Variants in DPYD observed in about 807,000 individuals in gnomAD.
DPYD encodes dihydropyrimidine dehydrogenase.
DPYD carries 109 observed loss-of-function variants against 116.2 expected under a neutral mutation model. The observed-to-expected ratio is 0.94, with a 90% CI of 0.80 to 1.10. The LOEUF (loss-of-function observed/expected upper bound fraction) is 1.10. DPYD is among the 50% of genes least tolerant of loss of function. The probability of loss-of-function intolerance (pLI) is 0.00; values close to 1 mark genes in which losing one functional copy is unlikely to be tolerated. For missense variants in DPYD, 1,302 were observed against 1,254.5 expected, an observed-to-expected ratio of 1.04 and a Z score of -0.57; for synonymous variants, 440 against 432.0, an observed-to-expected ratio of 1.02 and a Z score of -0.23.
intron 16 of DPYD, among the ~76,000 whole-genome samples, chr1:97,354,103 A>G (rs916684909): frequency 3.3e-5 from 5 of 152,220 alleles, no homozygotes; most frequent in African/African-American, 1.2e-4. Context: ...CCCTTGGGTG[A>G]GAGCCTGCTA....
intron 11 of DPYD, among the ~76,000 whole-genome samples, chr1:97,551,609 T>C (rs1381722370): frequency 6.6e-6 from 1 of 152,146 alleles, no homozygotes; most frequent in Non-Finnish European, 1.5e-5. Flanking sequence ...AAGCATTTTT[T>C]TTTACATTTA....
At chr1:97,137,137 T>C (rs1487613283) in intron 20 of DPYD, among the ~76,000 whole-genome samples, 1 of 152,162 alleles carries the variant, frequency 6.6e-6, no homozygotes, top group Non-Finnish European at 1.5e-5. Context: ...GCTTGTGTCT[T>C]TTGTTGCTGT....
intron 18 of DPYD, among the ~76,000 whole-genome samples, chr1:97,281,991 C>T (rs1161541146): frequency 6.6e-6 from 1 of 152,018 alleles, no homozygotes; most frequent in African/African-American, 2.4e-5. Flanking sequence ...AAGTTATTGG[C>T]TTTTTTCCAT....
At chr1:97,741,819 G>C (rs951742433) in intron 3 of DPYD, among the ~76,000 whole-genome samples, 1 of 152,080 alleles carries the variant, frequency 6.6e-6, no homozygotes, top group African/African-American at 2.4e-5. Context: ...AGCATGCTAA[G>C]GGAGCACAGA....
At chr1:97,760,145 G>A (rs141171737) in intron 3 of DPYD, among the ~76,000 whole-genome samples, 46 of 152,208 alleles carry the variant, frequency 3.0e-4, no homozygotes, top group East Asian at 1.4e-3. Context: ...TCTGTTCCTC[G>A]GAAGAGTTAG....
At chr1:97,383,174 A>G (rs564483547) in intron 14 of DPYD, among the ~76,000 whole-genome samples, 122 of 152,114 alleles carry the variant, frequency 8.0e-4, no homozygotes, top group Non-Finnish European at 1.3e-3. Flanking sequence ...CCACTTATTA[A>G]GAAAAGTAAT....
intron 20 of DPYD, among the ~76,000 whole-genome samples, chr1:97,116,137 G>T (rs1358295447): frequency 1.3e-5 from 2 of 152,080 alleles, no homozygotes; most frequent in Non-Finnish European, 2.9e-5. Context: ...ATACATATGA[G>T]AATATTTATA....
chr1:97,546,381 A>G (rs763867385), intron 12 of DPYD: 3 of 1,460,360 alleles, frequency 2.1e-6, no homozygotes, highest in Non-Finnish European at 2.9e-6. Context: ...AAGATGAAGA[A>G]GAAGTTTCAG....
At chr1:97,142,196 G>T (rs1654274193) in intron 20 of DPYD, among the ~76,000 whole-genome samples, 1 of 152,136 alleles carries the variant, frequency 6.6e-6, no homozygotes, top group South Asian at 2.1e-4. Context: ...AAGTCAACTT[G>T]CACTCAAAGA....
intron 1 of DPYD, among the ~76,000 whole-genome samples, chr1:97,903,623 T>C (rs1317089631): frequency 6.6e-6 from 1 of 151,986 alleles, no homozygotes; most frequent in Admixed American, 6.6e-5. Flanking sequence ...TTAAAACTAT[T>C]CCTTAGAAAA....
chr1:97,208,961 T>G (rs1659857184), intron 19 of DPYD, among the ~76,000 whole-genome samples: 1 of 151,738 alleles, frequency 6.6e-6, no homozygotes, highest in Non-Finnish European at 1.5e-5. Flanking sequence ...TCTTCTGAGG[T>G]GTGTGTGTGT....
chr1:97,275,017 T>G (rs1351645420), intron 18 of DPYD, among the ~76,000 whole-genome samples: 1 of 152,068 alleles, frequency 6.6e-6, no homozygotes, highest in Non-Finnish European at 1.5e-5. Flanking sequence ...GTTCTAAGGG[T>G]AGAAATGCCT....
At chr1:97,574,363 G>A (rs1653124919) in intron 10 of DPYD, among the ~76,000 whole-genome samples, 1 of 151,848 alleles carries the variant, frequency 6.6e-6, no homozygotes, top group Non-Finnish European at 1.5e-5. Flanking sequence ...TTATTACCAG[G>A]TTGCATACAT....
intron 2 of DPYD, among the ~76,000 whole-genome samples, chr1:97,870,142 T>TA (rs1671584430): frequency 6.6e-6 from 1 of 151,850 alleles, no homozygotes; most frequent in African/African-American, 2.4e-5. Flanking sequence ...ATTTTTAGGA[T>TA]AAATCACATG....
intron 14 of DPYD, among the ~76,000 whole-genome samples, chr1:97,399,178 T>C (rs1350557598): frequency 9.8e-5 from 15 of 152,346 alleles, no homozygotes; most frequent in Non-Finnish European, 1.0e-4. Flanking sequence ...TAGCCAGTTT[T>C]CCCAGCACCA....
intron 19 of DPYD, among the ~76,000 whole-genome samples, chr1:97,195,517 A>C (rs2101829912): frequency 1.7e-5 from 1 of 60,530 alleles, no homozygotes; most frequent in East Asian, 9.0e-4. Context: ...GGAATGGGAT[A>C]AGGAGAGAGA....
intron 10 of DPYD, among the ~76,000 whole-genome samples, chr1:97,590,488 A>G (rs933408531): frequency 6.6e-6 from 1 of 152,176 alleles, no homozygotes; most frequent in African/African-American, 2.4e-5. Context: ...ACCCAGAGAG[A>G]TGATCATGGC....
intron 20 of DPYD, among the ~76,000 whole-genome samples, chr1:97,162,238 T>G (rs1655967290): frequency 6.6e-6 from 1 of 152,128 alleles, no homozygotes; most frequent in African/African-American, 2.4e-5. Flanking sequence ...CACCTGTTGT[T>G]TACTGACTTT....
chr1:97,699,077 C>T (rs1293724397), intron 6 of DPYD, among the ~76,000 whole-genome samples: 2 of 151,918 alleles, frequency 1.3e-5, no homozygotes, highest in African/African-American at 4.8e-5. Flanking sequence ...AATCATTTTT[C>T]ATATGATTGG....
Sources: gnomAD v4.1 joint callset for allele counts (sites outside exome capture counted in the v4.1 genomes callset) on GRCh38, gnomAD v4.1.1 for gene constraint, MANE v1.5 for transcripts, NCBI Gene and HGNC (gene_info 2026-07-23, HGNC 2026-07-21) for gene names.